Variants in LRP2 observed in about 807,000 individuals in gnomAD.
The protein encoded by LRP2 is low-density lipoprotein receptor-related protein 2.
LRP2 carries 172 observed loss-of-function variants against 531.0 expected under a neutral mutation model. The observed-to-expected ratio is 0.32, with a 90% CI of 0.29 to 0.37. LRP2 has a LOEUF of 0.37. LRP2 is among the 10% of genes least tolerant of loss of function. LRP2 has a pLI of 1.00. For missense variants in LRP2, 5,167 were observed against 5,868.3 expected (o/e 0.88, Z 3.90); for synonymous variants, 1,992 against 2,027.6 (o/e 0.98, Z 0.47).
In LRP2 at chr2:169,138,570, T is replaced by C. The variant is rs1220958974; in HGVS notation, c.13518+7A>G. 4 of 1,613,732 alleles carry C rather than the reference T, an allele frequency of 2.5e-6. No individual in the cohort carries two copies. Among genetic ancestry groups the C allele is most frequent in the South Asian group, 2.2e-5 (2 of 91,068 alleles). On this transcript the variant is annotated splice_region_variant and intron_variant, in intron 75 of 78. Coordinates refer to ENST00000649046, the MANE Select transcript of LRP2 (RefSeq NM_004525.3). ...CCTTCAAATAATCATTTTGAAACCATACTCACCATTGCCATTGACCTGTCA... is the reference window on the plus strand; with the variant it reads ...CCTTCAAATAATCATTTTGAAACCACACTCACCATTGCCATTGACCTGTCA...
chr2:169,343,474 T>G (rs1347128809), intron 1 of LRP2, among the ~76,000 whole-genome samples: 2 of 152,194 alleles, frequency 1.3e-5, no homozygotes, highest in Non-Finnish European at 2.9e-5. Flanking sequence ...TATGAATGAT[T>G]TAATATCAGG....
rs1490397157 is a variant in LRP2 at position 169,129,103 on chromosome 2, AC to A, written c.13729-20del. On this transcript the variant is annotated intron_variant, in intron 77 of 78. Coordinates refer to ENST00000649046, the MANE Select transcript of LRP2 (RefSeq NM_004525.3). ...TTGTCACCTAAATGAAAAGGGGAAA[AC>A]AAAAACCTCTCAGTAATGGAATTAT... 1.3e-6 allele frequency: 2 copies of A among 1,501,896 alleles called. No homozygotes were observed. Among genetic ancestry groups the A allele is most frequent in the Non-Finnish European group, 1.9e-6 (2 of 1,077,870 alleles). The allele number at this position is 1,501,896 out of a possible 1,614,324, so 93.0% of individuals were successfully genotyped here.
chr2:169,263,994 G>C (rs1335200978), intron 16 of LRP2, among the ~76,000 whole-genome samples: 2 of 152,026 alleles, frequency 1.3e-5, no homozygotes, highest in Non-Finnish European at 2.9e-5. Flanking sequence ...ACTATCACAA[G>C]AACAAAAAAC....
chr2:169,298,945 T>C (rs1341457064), intron 4 of LRP2, among the ~76,000 whole-genome samples: 1 of 150,596 alleles, frequency 6.6e-6, no homozygotes, highest in Non-Finnish European at 1.5e-5. Context: ...TGCAGTAATA[T>C]ACAAGGAAAA....
chr2:169,330,867 T>C (rs1302800755), intron 1 of LRP2, among the ~76,000 whole-genome samples: 1 of 151,552 alleles, frequency 6.6e-6, no homozygotes, highest in African/African-American at 2.4e-5. Flanking sequence ...AAAAAAAACA[T>C]AATACATTCT....
At position 169,174,016 on chromosome 2, in the gene LRP2, C is replaced by G. The variant is rs376310219; in HGVS notation, c.10917G>C (p.Gln3639His). The change falls in exon 56 of 79, where the codon CAG becomes CAC. Residue 3639 changes from glutamine (Q) to histidine (H), a missense_variant. Physicochemically the swap from Gln to His is conservative, Grantham distance 24 (BLOSUM62 0). Transcript: ENST00000649046. ...HCASRTCRPGQFRCANGRCIP... is the reference protein window; with the variant it reads ...HCASRTCRPGHFRCANGRCIP... ...TGCAGCGGCCATTAGCACACCGAAA[C>G]TGGCCCGGCCGGCAGGTCCTGCTGG... 2.5e-6 allele frequency: 4 copies of G among 1,614,140 alleles called. No homozygotes were observed. The African/African-American group carries it at 5.3e-5, about 22-fold the overall frequency.
At position 169,206,316 on chromosome 2, in the gene LRP2, T is replaced by G. The variant is rs376021132; in HGVS notation, c.7390+14A>C. ...GTCTACTTGCAGGACAAGCAGCACC[T>G]GGAGTGCACTTACCTGAAGCAATGA... On this transcript the variant is annotated intron_variant, in intron 39 of 78. Coordinates refer to ENST00000649046, the MANE Select transcript of LRP2 (RefSeq NM_004525.3). 4 of 1,613,408 alleles carry G rather than the reference T, an allele frequency of 2.5e-6. No homozygotes were observed. The highest frequency in any genetic ancestry group is 1.7e-6 in the Non-Finnish European group (2 of 1,179,570).
chr2:169,329,439 C>T (rs1685206860), intron 1 of LRP2, among the ~76,000 whole-genome samples: 1 of 152,142 alleles, frequency 6.6e-6, no homozygotes, highest in Non-Finnish European at 1.5e-5. Context: ...ATAAGTATGA[C>T]CCAAGCAGTG....
chr2:169,130,612 C>T (rs1252441778), intron 77 of LRP2, among the ~76,000 whole-genome samples: 1 of 152,144 alleles, frequency 6.6e-6, no homozygotes, highest in African/African-American at 2.4e-5. Flanking sequence ...AGTCTTTCAA[C>T]ATATTTATGG....
Position 169,280,408 on chromosome 2 carries a change from C to T in LRP2, c.1283G>A (p.Gly428Asp), listed in dbSNP as rs1038197682. ...TTGCAGGTGATAGTGGAAAGCCACA[C>T]CCACGGCCACTCCACGATTCTGAGA... Reference protein sequence around the residue: ...VESQNRGVAVGVAFHYHLQRV... With the variant: ...VESQNRGVAVDVAFHYHLQRV... Residue 428 changes from glycine to aspartate, a missense_variant, in exon 11 of 79, where the codon GGT becomes GAT. Transcript: ENST00000649046. 1 of 1,614,054 alleles carries T rather than the reference C, an allele frequency of 6.2e-7. No homozygotes were observed. The highest frequency in any genetic ancestry group is 8.5e-7 in the Non-Finnish European group (1 of 1,180,034).
chr2:169,306,771 A>G (rs1482589553), intron 4 of LRP2, among the ~76,000 whole-genome samples: 1 of 152,218 alleles, frequency 6.6e-6, no homozygotes, highest in Non-Finnish European at 1.5e-5. Context: ...TACATAGAAT[A>G]CTATGATTTA....
intron 3 of LRP2, among the ~76,000 whole-genome samples, chr2:169,309,635 T>G (rs1249469727): frequency 1.3e-5 from 2 of 152,212 alleles, no homozygotes; most frequent in Admixed American, 6.5e-5. Context: ...AGCCTTGTAG[T>G]ATAGTTTGAA....
intron 42 of LRP2, among the ~76,000 whole-genome samples, chr2:169,203,688 T>C (rs548822143): frequency 1.3e-5 from 2 of 151,918 alleles, no homozygotes; most frequent in African/African-American, 2.4e-5. Context: ...ACCCAGGAGG[T>C]GGAGGTTGCA....
rs554169511 is a variant in LRP2 at position 169,310,687 on chromosome 2, C to T, written c.311-3290G>A. 1.7e-4 allele frequency among the ~76,000 whole-genome samples: 26 copies of T among 152,284 alleles called. No individual in the cohort carries two copies. The South Asian group carries it at 5.4e-3, about 32-fold the overall frequency. ...CTTTTTTTGTTGTGTCTCTGCCAGG[C>T]TTTGGTATCAGGATGATGCTGGCCT... is the stretch of plus-strand genomic sequence containing the variant. On this transcript the variant is annotated intron_variant, in intron 3 of 78. Coordinates refer to ENST00000649046, the MANE Select transcript of LRP2 (RefSeq NM_004525.3).
intron 1 of LRP2, among the ~76,000 whole-genome samples, chr2:169,354,440 T>C (rs370718005): frequency 2.6e-5 from 4 of 152,348 alleles, no homozygotes; most frequent in East Asian, 1.9e-4. Flanking sequence ...ATGCACAGAA[T>C]GGTAATTACA....
intron 14 of LRP2, among the ~76,000 whole-genome samples, chr2:169,273,729 T>G (rs1457403213): frequency 6.6e-6 from 1 of 152,186 alleles, no homozygotes; most frequent in Non-Finnish European, 1.5e-5. Flanking sequence ...CAAAATTGTC[T>G]TTTTAGCCTT....
chr2:169,181,331 T>A, intron 52 of LRP2, 117 bp downstream of exon 52: 2 of 984,012 alleles, frequency 2.0e-6, no homozygotes, highest in Non-Finnish European at 1.6e-6. Context: ...TTCCCCCGAA[T>A]GACTTCCAAC....
chr2:169,327,980 G>GT lies in LRP2; in HGVS notation c.80-7097dup, dbSNP rs1347855966. On this transcript the variant is annotated intron_variant, in intron 1 of 78. Transcript: ENST00000649046. Reference sequence around the variant, plus strand: ...GCCAGCCGCCCCGTCCGGGAGGGAGGTGGGGGGGTTAGCCCCACGTCCGGG... The same window carrying GT: ...GCCAGCCGCCCCGTCCGGGAGGGAGGTTGGGGGGGTTAGCCCCACGTCCGGG... 2.0e-4 allele frequency among the ~76,000 whole-genome samples: 22 copies of GT among 110,852 alleles called. 2 individuals are homozygous for GT. Among genetic ancestry groups the GT allele is most frequent in the African/African-American group, 3.2e-5 (1 of 30,920 alleles). 72.7% of individuals were successfully genotyped at this position (110,852 alleles called of 152,430 possible). A position where few individuals can be genotyped will look rare whatever the true frequency, so the allele number is the denominator to read the frequency against.
Position 169,145,990 on chromosome 2 carries a change from C to T in LRP2, c.12812-67G>A, listed in dbSNP as rs41265945. 0.1 allele frequency: 139,632 copies of T among 1,376,828 alleles called. 8,085 individuals carry two copies. Among genetic ancestry groups the T allele is most frequent in the Non-Finnish European group, 0.12 (114,162 of 971,010 alleles). The allele number at this position is 1,376,828 out of a possible 1,614,324, so 85.3% of individuals were successfully genotyped here. On this transcript the variant is annotated intron_variant, in intron 69 of 78. Transcript: ENST00000649046. ...AAAGAAAATACCCACTACACCCTAC[C>T]GCCACTTCTAGATCTGATGTCATTC...
Sources: gnomAD v4.1 joint callset for allele counts (sites outside exome capture counted in the v4.1 genomes callset) on GRCh38, gnomAD v4.1.1 for gene constraint, MANE v1.5 for transcripts, NCBI Gene and HGNC (gene_info 2026-07-23, HGNC 2026-07-21) for gene names.